The following ENOX2 variants were observed in gnomAD, a reference collection of about 807,000 sequenced individuals.
ENOX2 encodes the protein APK1 antigen.
ENOX2 carries 36 observed loss-of-function variants against 45.0 expected under a neutral mutation model. That is an observed-to-expected ratio of 0.80 (90% confidence interval 0.61 to 1.06). The LOEUF (loss-of-function observed/expected upper bound fraction) is 1.06. Among genes scored for constraint, ENOX2 ranks in the 50% least tolerant of loss-of-function variants. The pLI, the probability that ENOX2 is intolerant of heterozygous loss-of-function variation, is 0.00. For missense variants in ENOX2, 423 were observed against 462.5 expected (o/e 0.91, Z 0.78); for synonymous variants, 174 against 152.3 (o/e 1.14, Z -1.05).
At chrX:130,743,599 G>A (rs1437518772) in intron 3 of ENOX2, among the ~76,000 whole-genome samples, 1 of 109,571 alleles carries the variant, frequency 9.1e-6, no homozygotes, top group African/African-American at 3.3e-5. Context: ...AGCCTCCCAA[G>A]TAACTGGGAT....
intron 10 of ENOX2, among the ~76,000 whole-genome samples, chrX:130,655,935 G>C (rs1217634570): frequency 1.8e-5 from 2 of 112,163 alleles, no homozygotes; most frequent in Non-Finnish European, 3.8e-5. Context: ...ACAGCGCCTG[G>C]CTGTTAAATG....
At chrX:130,721,752 C>T (rs747344851) in intron 3 of ENOX2, among the ~76,000 whole-genome samples, 4 of 112,059 alleles carry the variant, frequency 3.6e-5, no homozygotes, top group African/African-American at 6.5e-5. Context: ...CTTCTGGTGA[C>T]GTACTTGTAA....
chrX:130,753,906 G>T (rs2039288237), intron 3 of ENOX2, among the ~76,000 whole-genome samples: 1 of 111,206 alleles, frequency 9.0e-6, no homozygotes. Flanking sequence ...TATGGAAAGG[G>T]GTGGGGAGCA....
chrX:130,694,694 C>G (rs1340450635), intron 4 of ENOX2, among the ~76,000 whole-genome samples: 1 of 106,783 alleles, frequency 9.4e-6, no homozygotes, highest in East Asian at 2.9e-4. Context: ...CCTCTGCCTC[C>G]CGGGTTCAAG....
At chrX:130,832,218 C>T (rs1340850187) in intron 2 of ENOX2, among the ~76,000 whole-genome samples, 1 of 110,694 alleles carries the variant, frequency 9.0e-6, no homozygotes, top group Non-Finnish European at 1.9e-5. Context: ...TTATTTTTTT[C>T]CTCAAGCCAT....
intron 11 of ENOX2, 57 bp downstream of exon 11, chrX:130,637,172 T>C: frequency 1.0e-6 from 1 of 990,333 alleles, no homozygotes; most frequent in Non-Finnish European, 1.4e-6. Context: ...GACCCTTTTA[T>C]AGGTGAGAAG....
intron 4 of ENOX2, 140 bp from the exon 5 acceptor site, chrX:130,689,158 A>G (rs2037525649): frequency 2.2e-6 from 1 of 460,851 alleles, no homozygotes; most frequent in African/African-American, 2.5e-5. Flanking sequence ...TAGTATTCCC[A>G]GGTCTTAAAT....
chrX:130,714,441 T>C (rs1443947279), intron 3 of ENOX2, among the ~76,000 whole-genome samples: 2 of 111,652 alleles, frequency 1.8e-5, no homozygotes, highest in Non-Finnish European at 1.9e-5. Flanking sequence ...TGGGTGGCAC[T>C]GGGGACTCTG....
intron 2 of ENOX2, among the ~76,000 whole-genome samples, chrX:130,789,876 G>C (rs2077017038): frequency 8.9e-6 from 1 of 112,045 alleles, no homozygotes; most frequent in Non-Finnish European, 1.9e-5. Flanking sequence ...CACCCCTCCT[G>C]CTTCCTCATT....
intron 3 of ENOX2, among the ~76,000 whole-genome samples, chrX:130,725,298 T>C (rs2038578772): frequency 9.3e-6 from 1 of 107,730 alleles, no homozygotes; most frequent in African/African-American, 3.4e-5. Flanking sequence ...CTTGCAATAA[T>C]TGAGTCGAGC....
At chrX:130,770,256 T>A (rs1199814408) in intron 3 of ENOX2, among the ~76,000 whole-genome samples, 1 of 112,058 alleles carries the variant, frequency 8.9e-6, no homozygotes, top group Non-Finnish European at 1.9e-5. Context: ...CCAACCACTG[T>A]AGGTGGGATG....
intron 2 of ENOX2, among the ~76,000 whole-genome samples, chrX:130,853,332 C>T (rs1239853413): frequency 3.7e-5 from 4 of 107,467 alleles, no homozygotes; most frequent in Non-Finnish European, 5.8e-5. Flanking sequence ...GGCGTAGTGG[C>T]GGGCGCCTGT....
chrX:130,880,389 T>C lies in ENOX2; in HGVS notation c.-183+21295A>G, dbSNP rs151156643. Reference sequence around the variant, plus strand: ...TAGAAATTTGACACTGGGTTCTTTTTAAAGCCACCAAGTACAACTAATATA... The same window carrying C: ...TAGAAATTTGACACTGGGTTCTTTTCAAAGCCACCAAGTACAACTAATATA... On this transcript the variant is annotated intron_variant, in intron 2 of 14. Coordinates refer to ENST00000394363, the MANE Select transcript of ENOX2 (RefSeq NM_006375.4). Among the ~76,000 whole-genome samples the C allele has an allele frequency of 1.7e-3, 184 of 111,514 alleles. 1 individual carries two copies. The highest frequency in any genetic ancestry group is 2.9e-3 in the Non-Finnish European group (154 of 53,081).
chrX:130,686,359 T>C (rs2037449382), intron 5 of ENOX2, among the ~76,000 whole-genome samples: 1 of 111,295 alleles, frequency 9.0e-6, no homozygotes, highest in Non-Finnish European at 1.9e-5. Flanking sequence ...CCCACTCTCT[T>C]GTTCCTGCTC....
intron 3 of ENOX2, among the ~76,000 whole-genome samples, chrX:130,716,371 C>G (rs759599105): frequency 8.9e-6 from 1 of 111,905 alleles, no homozygotes; most frequent in Non-Finnish European, 1.9e-5. Flanking sequence ...TACATACCCC[C>G]AACCTATCAG....
intron 3 of ENOX2, among the ~76,000 whole-genome samples, chrX:130,750,710 C>A (rs373000901): frequency 2.7e-5 from 3 of 111,081 alleles, no homozygotes; most frequent in South Asian, 7.7e-4. Context: ...TGTCTCACAG[C>A]CTACGTTTTT....
chrX:130,770,529 T>C (rs1020208296), intron 3 of ENOX2, among the ~76,000 whole-genome samples: 1 of 110,888 alleles, frequency 9.0e-6, no homozygotes, highest in African/African-American at 3.3e-5. Context: ...AAAGCATTAA[T>C]TTACATGACA....
intron 3 of ENOX2, among the ~76,000 whole-genome samples, chrX:130,717,240 C>A (rs180758838): frequency 8.9e-6 from 1 of 112,049 alleles, no homozygotes; most frequent in African/African-American, 3.2e-5. Flanking sequence ...AAAATAAGTA[C>A]ACAACCCCAC....
intron 4 of ENOX2, among the ~76,000 whole-genome samples, chrX:130,698,520 G>GTA (rs1460639798): frequency 3.6e-5 from 4 of 111,258 alleles, no homozygotes; most frequent in African/African-American, 1.3e-4. Context: ...ATTTTATCTG[G>GTA]TATATATAAT....
Sources: gnomAD v4.1 joint callset for allele counts (sites outside exome capture counted in the v4.1 genomes callset) on GRCh38, gnomAD v4.1.1 for gene constraint, MANE v1.5 for transcripts, NCBI Gene and HGNC (gene_info 2026-07-23, HGNC 2026-07-21) for gene names.